The following ZNF555 variants were observed in gnomAD, a reference collection of about 807,000 sequenced individuals.
ZNF555 encodes zinc finger protein 555.
ZNF555 carries 10 observed loss-of-function variants against 14.0 expected under a neutral mutation model. The ratio of observed to expected loss-of-function variants is 0.72; its 90% confidence interval spans 0.44 to 1.21. ZNF555 has a LOEUF of 1.21. Ranked by LOEUF, ZNF555 falls within the 50% of genes most tolerant of loss-of-function variation. ZNF555 has a pLI of 0.00. For missense variants in ZNF555, 747 were observed against 762.0 expected (o/e 0.98, Z 0.23); for synonymous variants, 277 against 262.4 (o/e 1.06, Z -0.54).
At position 2,852,623 on chromosome 19, in the gene ZNF555, C is replaced by G. The variant is rs2087641374; in HGVS notation, c.558C>G (p.His186Gln). ...GGCAGGCCTACAGTTGTCGTTCACA[C>G]CTAAGAATGCATGTGAGAACCCACA... ...ECGQAYSCRS[H>Q]LRMHVRTHNG... is the part of the protein sequence containing the mutation. Residue 186 changes from histidine (H) to glutamine (Q), a missense_variant, in exon 4 of 4, where the codon CAC (histidine) becomes CAG (glutamine). By Grantham distance (24) the His-to-Gln change is conservative. Transcript: ENST00000334241. 6.2e-7 allele frequency: 1 copy of G among 1,614,152 alleles called. No homozygotes were observed. Among genetic ancestry groups the G allele is most frequent in the Non-Finnish European group, 8.5e-7 (1 of 1,180,028 alleles).
chr19:2,849,500 T>TC lies in ZNF555; in HGVS notation c.4-1086dup, dbSNP rs1478322870. On this transcript the variant is annotated intron_variant, in intron 1 of 3. Coordinates refer to ENST00000334241, the MANE Select transcript of ZNF555 (RefSeq NM_152791.5). ...CAATAATACTTTTTTTTTTTTTTTT[T>TC]CTGAGACTGAGTCCTGCCCTATCAC... Among the ~76,000 whole-genome samples, 418 of 151,062 alleles carry TC rather than the reference T, an allele frequency of 2.8e-3. 2 individuals carry two copies. Among genetic ancestry groups the TC allele is most frequent in the African/African-American group, 9.6e-3 (393 of 40,924 alleles).
intron 1 of ZNF555, 60 bp downstream of exon 1, chr19:2,841,635 G>C: frequency 2.1e-6 from 3 of 1,451,558 alleles, no homozygotes; most frequent in Non-Finnish European, 2.7e-6. Flanking sequence ...GACCGCCCGA[G>C]ACCGCGGCTT....
Position 2,853,291 on chromosome 19 carries a change from C to A in ZNF555, c.1226C>A (p.Ser409Tyr). ...NQCGKAFSHP[S>Y]SFRGHMRVHT... ...TGCGGGAAAGCATTCAGTCACCCCT[C>A]CTCCTTTCGAGGACACATGAGGGTG... is the stretch of plus-strand genomic sequence containing the variant. The change falls in exon 4 of 4, where the codon TCC becomes TAC. Residue 409 changes from serine (S) to tyrosine (Y), a missense_variant. By Grantham distance (144) the Ser-to-Tyr change is moderately radical (BLOSUM62 -2). Transcript: ENST00000334241. The A allele has an allele frequency of 6.2e-7, 1 of 1,613,900 alleles. No homozygotes were observed. The highest frequency in any genetic ancestry group is 8.5e-7 in the Non-Finnish European group (1 of 1,179,938).
rs1441833693 is a variant in ZNF555 at position 2,856,881 on chromosome 19, G to A, written c.*2929G>A. The stretch of plus-strand genomic sequence containing the variant: ...AAGCCACAGCAGCCAGTCATATGGG[G>A]GAGAAGAGGGGAATGTTTGATGGTT... On this transcript the variant is annotated 3_prime_UTR_variant, in exon 4 of 4. Transcript: ENST00000334241. 1.3e-5 allele frequency: 2 copies of A among 152,196 alleles called. No homozygotes were observed. Among genetic ancestry groups the A allele is most frequent in the Non-Finnish European group, 2.9e-5 (2 of 68,040 alleles). The allele number at this position is 152,196 out of a possible 1,614,324, so 9.4% of individuals were successfully genotyped here. A position where few individuals can be genotyped will look rare whatever the true frequency, so the allele number is the denominator to read the frequency against.
intron 1 of ZNF555, among the ~76,000 whole-genome samples, chr19:2,849,567 C>G (rs1325978923): frequency 1.3e-5 from 2 of 151,244 alleles, no homozygotes; most frequent in African/African-American, 2.4e-5. Context: ...GCATTGCAAC[C>G]TCTGCCTCCC....
At chr19:2,843,261 T>C (rs116386552) in intron 1 of ZNF555, among the ~76,000 whole-genome samples, 2,507 of 152,258 alleles carry the variant, frequency 0.016, 68 homozygotes, top group African/African-American at 0.058. Context: ...CCTCCTGGGC[T>C]CAAGCAATCT....
At chr19:2,852,153 A>G (rs1225716809) in intron 3 of ZNF555, among the ~76,000 whole-genome samples, 3 of 152,068 alleles carry the variant, frequency 2.0e-5, no homozygotes, top group African/African-American at 7.2e-5. Flanking sequence ...GTCTCAAAAA[A>G]AAAAAAAGAA....
intron 1 of ZNF555, among the ~76,000 whole-genome samples, chr19:2,843,267 A>T (rs1278177988): frequency 6.6e-6 from 1 of 152,124 alleles, no homozygotes; most frequent in African/African-American, 2.4e-5. Flanking sequence ...GGGCTCAAGC[A>T]ATCTTCCTGC....
rs2087653396 is a variant in ZNF555, at chr19:2,853,378, C to G, written c.1313C>G (p.Ser438Cys). ...GGGAAAACTTTCAATTGGCCCATATCTTTACGAAAACATATGAGAACACAT... is the reference window on the plus strand; with the variant it reads ...GGGAAAACTTTCAATTGGCCCATATGTTTACGAAAACATATGAGAACACAT... Reference protein sequence around the residue: ...QCGKTFNWPISLRKHMRTHTR... With the variant: ...QCGKTFNWPICLRKHMRTHTR... The change falls in exon 4 of 4, where the codon TCT becomes TGT. Residue 438 changes from serine (S) to cysteine (C), a missense_variant. Ser to Cys is a moderately radical substitution (Grantham distance 112). Coordinates refer to ENST00000334241, the MANE Select transcript of ZNF555 (RefSeq NM_152791.5). The G allele has an allele frequency of 1.2e-6, 2 of 1,613,852 alleles. No individual in the cohort carries two copies. The highest frequency in any genetic ancestry group is 2.2e-5 in the South Asian group (2 of 91,072).
chr19:2,859,149 G>T lies in ZNF555; in HGVS notation c.*5197G>T, dbSNP rs1031168072. 6 of 152,268 alleles carry T rather than the reference G, an allele frequency of 3.9e-5. No individual in the cohort carries two copies. Among genetic ancestry groups the T allele is most frequent in the African/African-American group, 7.2e-5 (3 of 41,472 alleles). The allele number at this position is 152,268 out of a possible 1,614,324, so 9.4% of individuals were successfully genotyped here. Reference sequence around the variant, plus strand: ...CAGACTGTTCCCAGGATGCAACACGGGCTCGCGTCTAAAAGAGCTGTGCTT... The same window carrying T: ...CAGACTGTTCCCAGGATGCAACACGTGCTCGCGTCTAAAAGAGCTGTGCTT... On this transcript the variant is annotated 3_prime_UTR_variant, in exon 4 of 4. Transcript: ENST00000334241.
Position 2,854,056 on chromosome 19 carries a change from C to T in ZNF555, c.*104C>T. On this transcript the variant is annotated 3_prime_UTR_variant, in exon 4 of 4. Transcript: ENST00000334241. ...TCTCCAAATACTCTCAGCTATCCTA[C>T]ATGAATTTGAACAGGTAGTTTCTTA... 7.1e-7 allele frequency: 1 copy of T among 1,413,822 alleles called. No homozygotes were observed. Among genetic ancestry groups the T allele is most frequent in the Non-Finnish European group, 9.6e-7 (1 of 1,044,572 alleles). The allele number at this position is 1,413,822 out of a possible 1,614,324, so 87.6% of individuals were successfully genotyped here.
chr19:2,853,332 C>G lies in ZNF555; in HGVS notation c.1267C>G (p.Pro423Ala). 1 of 1,614,128 alleles carries G rather than the reference C, an allele frequency of 6.2e-7. No homozygotes were observed. Among genetic ancestry groups the G allele is most frequent in the Non-Finnish European group, 8.5e-7 (1 of 1,180,020 alleles). Reference sequence around the variant, plus strand: ...CATGAGGGTGCACACTGGAGAGAAACCCTATGAGTGCAAGCAATGTGGGAA... The same window carrying G: ...CATGAGGGTGCACACTGGAGAGAAAGCCTATGAGTGCAAGCAATGTGGGAA... ...GHMRVHTGEK[P>A]YECKQCGKTF... The change falls in exon 4 of 4, where the codon CCC (proline) becomes GCC (alanine). Residue 423 changes from proline to alanine, a missense_variant. Pro to Ala is a conservative substitution (Grantham distance 27). Coordinates refer to ENST00000334241, the MANE Select transcript of ZNF555 (RefSeq NM_152791.5).
chr19:2,846,307 T>C (rs2087581953), intron 1 of ZNF555, among the ~76,000 whole-genome samples: 1 of 152,192 alleles, frequency 6.6e-6, no homozygotes, highest in Non-Finnish European at 1.5e-5. Context: ...CCAACCTGAA[T>C]TCAGAGCACT....
chr19:2,846,721 G>A (rs1377206871), intron 1 of ZNF555, among the ~76,000 whole-genome samples: 2 of 152,188 alleles, frequency 1.3e-5, no homozygotes, highest in African/African-American at 4.8e-5. Flanking sequence ...GGTATTGCCG[G>A]GTTGGACAGC....
chr19:2,852,444 A>T lies in ZNF555; in HGVS notation c.379A>T (p.Ile127Phe), dbSNP rs896957151. ...NDQCGEALSQ[I>F]PHLNLYKKIP... Reference sequence around the variant, plus strand: ...TCAATGTGGAGAAGCCCTCAGCCAGATTCCACATCTTAATCTGTACAAGAA... The same window carrying T: ...TCAATGTGGAGAAGCCCTCAGCCAGTTTCCACATCTTAATCTGTACAAGAA... Residue 127 changes from isoleucine to phenylalanine, a missense_variant, in exon 4 of 4, where the codon ATT (isoleucine) becomes TTT (phenylalanine). Coordinates refer to ENST00000334241, the MANE Select transcript of ZNF555 (RefSeq NM_152791.5). The T allele has an allele frequency of 3.1e-6, 5 of 1,614,212 alleles. No homozygotes were observed. The highest frequency in any genetic ancestry group is 4.2e-6 in the Non-Finnish European group (5 of 1,180,042).
In ZNF555 at chr19:2,857,000, C is replaced by G. The variant is rs1466094157; in HGVS notation, c.*3048C>G. 6.6e-6 allele frequency: 1 copy of G among 152,166 alleles called. No individual in the cohort carries two copies. Among genetic ancestry groups the G allele is most frequent in the Non-Finnish European group, 1.5e-5 (1 of 68,034 alleles). 9.4% of individuals were successfully genotyped at this position (152,166 alleles called of 1,614,324 possible). ...TCATGTGTTTTATAGGCCAAGGAGG[C>G]AGAAGCTTTTGTTTTAATGAGCCAG... On this transcript the variant is annotated 3_prime_UTR_variant, in exon 4 of 4. Coordinates refer to ENST00000334241, the MANE Select transcript of ZNF555 (RefSeq NM_152791.5).
rs557338182 is a variant in ZNF555, at chr19:2,848,393, C to G, written c.4-2194C>G. Among the ~76,000 whole-genome samples, 9 of 151,848 alleles carry G rather than the reference C, an allele frequency of 5.9e-5. No individual in the cohort carries two copies. In the South Asian group the frequency reaches 1.5e-3, roughly 25 times the overall value. On this transcript the variant is annotated intron_variant, in intron 1 of 3. Coordinates refer to ENST00000334241, the MANE Select transcript of ZNF555 (RefSeq NM_152791.5). ...GGTCTCAATCTCCTGACCTCGTGAT[C>G]CACCTGCCTTGGCCTCCCAAAGTGC... is the stretch of plus-strand genomic sequence containing the variant.
intron 1 of ZNF555, among the ~76,000 whole-genome samples, chr19:2,842,529 A>G (rs776881587): frequency 2.2e-4 from 34 of 152,158 alleles, no homozygotes; most frequent in Non-Finnish European, 4.3e-4. Flanking sequence ...TTCCCTAGAA[A>G]GTGTGGATTT....
chr19:2,847,859 A>G (rs1179584756), intron 1 of ZNF555, among the ~76,000 whole-genome samples: 2 of 152,170 alleles, frequency 1.3e-5, no homozygotes, highest in African/African-American at 4.8e-5. Context: ...CAGGGATAGC[A>G]TTATGCTAGC....
Sources: allele counts gnomAD v4.1 joint callset (sites outside exome capture counted in the v4.1 genomes callset), GRCh38; gene constraint gnomAD v4.1.1; transcripts MANE v1.5; gene names NCBI Gene and HGNC (gene_info 2026-07-23, HGNC 2026-07-21).